LARGE1: variants seen among roughly 807,000 people sequenced by gnomAD.
LARGE1 encodes LARGE xylosyl- and glucuronyltransferase 1, also known as xylosyl- and glucuronyltransferase LARGE1.
LARGE1 carries 43 observed loss-of-function variants against 87.6 expected under a neutral mutation model. That is an observed-to-expected ratio of 0.49 (90% CI 0.38 to 0.63). The LOEUF is 0.63. Among genes scored for constraint, LARGE1 ranks in the 30% least tolerant of loss-of-function variants. LARGE1 has a pLI of 0.00. For missense variants in LARGE1, 802 were observed against 1,000.2 expected (o/e 0.80, Z 2.67); for synonymous variants, 434 against 394.6 (o/e 1.10, Z -1.18).
At chr22:33,558,182 A>T (rs1463159594) in intron 6 of LARGE1, among the ~76,000 whole-genome samples, 2 of 152,212 alleles carry the variant, frequency 1.3e-5, no homozygotes, top group African/African-American at 4.8e-5. Context: ...AAGGGGGCAC[A>T]CTGGGCCAGC....
intron 1 of LARGE1, among the ~76,000 whole-genome samples, chr22:33,771,174 CTTTT>C (rs577979720): frequency 7.1e-6 from 1 of 140,656 alleles, no homozygotes; most frequent in Non-Finnish European, 1.6e-5. Context: ...TATTTTTTTG[CTTTT>C]TTTTTTTTTT....
At chr22:33,487,616 C>T (rs765900672) in intron 6 of LARGE1, among the ~76,000 whole-genome samples, 45 of 152,100 alleles carry the variant, frequency 3.0e-4, no homozygotes, top group Non-Finnish European at 6.0e-4. Context: ...TCAAGAAAGA[C>T]GAAGAACCTG....
intron 6 of LARGE1, among the ~76,000 whole-genome samples, chr22:33,445,708 G>A (rs2067660422): frequency 6.7e-6 from 1 of 149,284 alleles, no homozygotes; most frequent in Admixed American, 6.7e-5. Context: ...GGAGCACAAT[G>A]GCGGGATCTC....
At chr22:33,748,087 A>G (rs2084166107) in intron 2 of LARGE1, among the ~76,000 whole-genome samples, 1 of 149,152 alleles carries the variant, frequency 6.7e-6, no homozygotes, top group Non-Finnish European at 1.5e-5. Flanking sequence ...CCACCCCAGA[A>G]AGAAGGAATC....
chr22:33,439,082 C>T (rs1348482578), intron 6 of LARGE1, among the ~76,000 whole-genome samples: 3 of 151,968 alleles, frequency 2.0e-5, no homozygotes, highest in African/African-American at 7.3e-5. Flanking sequence ...GGTGTGGTGG[C>T]ATGCACCTGT....
chr22:33,875,028 T>C (rs1339205098), intron 1 of LARGE1, among the ~76,000 whole-genome samples: 2 of 152,196 alleles, frequency 1.3e-5, no homozygotes, highest in Non-Finnish European at 2.9e-5. Flanking sequence ...GCTCCAGAGA[T>C]ACACCACTCC....
intron 7 of LARGE1, among the ~76,000 whole-genome samples, chr22:33,411,596 T>C (rs2066306140): frequency 6.6e-6 from 1 of 152,306 alleles, no homozygotes; most frequent in East Asian, 1.9e-4. Context: ...ATCCATAACA[T>C]TTAATATAGC....
chr22:33,547,793 C>CAAAAA (rs57220257), intron 6 of LARGE1, among the ~76,000 whole-genome samples: 34 of 35,744 alleles, frequency 9.5e-4, no homozygotes, highest in African/African-American at 1.0e-3. Flanking sequence ...GACTCCATCT[C>CAAAAA]AAAAAAAAAA....
At chr22:33,730,382 TC>T (rs1403047816) in intron 2 of LARGE1, among the ~76,000 whole-genome samples, 3 of 152,222 alleles carry the variant, frequency 2.0e-5, no homozygotes, top group Non-Finnish European at 4.4e-5. Context: ...AGTCAAATGT[TC>T]AGGAAGTCAA....
intron 9 of LARGE1, among the ~76,000 whole-genome samples, chr22:33,378,756 A>T (rs1043694758): frequency 6.6e-6 from 1 of 152,154 alleles, no homozygotes. Flanking sequence ...ATCAGACTCT[A>T]TGGGTTAGTG....
At chr22:33,136,588 T>C in the LARGE1 span, among the ~76,000 whole-genome samples, 1 of 151,964 alleles carries the variant, frequency 6.6e-6, no homozygotes, top group South Asian at 2.1e-4. Context: ...CTAAAACAGA[T>C]TGATAGTGTT....
At chr22:33,769,216 C>A (rs929842151) in intron 1 of LARGE1, among the ~76,000 whole-genome samples, 6 of 152,168 alleles carry the variant, frequency 3.9e-5, no homozygotes, top group Admixed American at 3.9e-4. Context: ...TCAAAAACTT[C>A]CCCCACAAGT....
At chr22:33,784,226 A>G (rs901848725) in intron 1 of LARGE1, among the ~76,000 whole-genome samples, 1 of 152,210 alleles carries the variant, frequency 6.6e-6, no homozygotes, top group Non-Finnish European at 1.5e-5. Flanking sequence ...TTTCTATCAT[A>G]TACTGAGCAG....
At chr22:33,678,202 A>G (rs1180212825) in intron 2 of LARGE1, among the ~76,000 whole-genome samples, 4 of 152,230 alleles carry the variant, frequency 2.6e-5, no homozygotes, top group African/African-American at 7.2e-5. Context: ...TAAAACTACA[A>G]TATTATGCAT....
At chr22:33,647,030 A>G (rs2080639485) in intron 3 of LARGE1, among the ~76,000 whole-genome samples, 1 of 152,232 alleles carries the variant, frequency 6.6e-6, no homozygotes, top group Non-Finnish European at 1.5e-5. Flanking sequence ...TGTCCAGCCT[A>G]AAGCAGTGGT....
At chr22:33,297,236 G>A (rs1933413614) in intron 12 of LARGE1, among the ~76,000 whole-genome samples, 1 of 152,148 alleles carries the variant, frequency 6.6e-6, no homozygotes. Context: ...TGTCAAGCTG[G>A]GGAGAAAAGA....
intron 2 of LARGE1, among the ~76,000 whole-genome samples, chr22:33,653,211 A>G (rs2080870969): frequency 6.6e-6 from 1 of 152,216 alleles, no homozygotes; most frequent in Non-Finnish European, 1.5e-5. Flanking sequence ...TAGGTGGTTC[A>G]TGCTGATAAT....
intron 6 of LARGE1, among the ~76,000 whole-genome samples, chr22:33,461,307 C>G (rs1278726484): frequency 6.6e-6 from 1 of 152,098 alleles, no homozygotes; most frequent in Non-Finnish European, 1.5e-5. Context: ...GACAAACAAA[C>G]AAACAAATAA....
At position 33,912,991 on chromosome 22, in the gene LARGE1, C is replaced by T. The variant is rs529508681; in HGVS notation, c.-83+7004G>A. ...GATTACAGGCGTGCGCCACCACGCC[C>T]GGCTAATTTTTGTATTTTTTAGTAG... On this transcript the variant is annotated intron_variant, in intron 1 of 14. Coordinates refer to ENST00000397394, the MANE Select transcript of LARGE1 (RefSeq NM_133642.5). Among the ~76,000 whole-genome samples the T allele has an allele frequency of 1.5e-4, 23 of 152,180 alleles. No homozygotes were observed. In the South Asian group the frequency reaches 3.3e-3, roughly 22 times the overall value.
Sources: allele counts gnomAD v4.1 joint callset (sites outside exome capture counted in the v4.1 genomes callset), GRCh38; gene constraint gnomAD v4.1.1; transcripts MANE v1.5; gene names NCBI Gene and HGNC (gene_info 2026-07-23, HGNC 2026-07-21).